ADAMTS18: variants seen among roughly 807,000 people sequenced by gnomAD.
The protein encoded by ADAMTS18 is A disintegrin and metalloproteinase with thrombospondin motifs 18.
Under a neutral mutation model 165.9 loss-of-function variants are expected in ADAMTS18, and 157 were observed. The observed-to-expected ratio is 0.95, with a 90% CI of 0.83 to 1.08. The LOEUF is 1.08. Among genes scored for constraint, ADAMTS18 ranks in the 50% least tolerant of loss-of-function variants. ADAMTS18 has a pLI of 0.00. For synonymous variants in ADAMTS18, 782 were observed against 578.2 expected (o/e 1.35, Z -5.06); for missense variants, 2,040 against 1,534.0 (o/e 1.33, Z -5.51).
intron 10 of ADAMTS18, among the ~76,000 whole-genome samples, chr16:77,344,635 T>C (rs1424338506): frequency 3.3e-5 from 5 of 151,762 alleles, no homozygotes; most frequent in African/African-American, 1.2e-4. Flanking sequence ...GCCACCAAAA[T>C]GGCCCTAGGG....
intron 12 of ADAMTS18, among the ~76,000 whole-genome samples, chr16:77,332,659 C>T (rs928019955): frequency 6.6e-6 from 1 of 152,186 alleles, no homozygotes; most frequent in African/African-American, 2.4e-5. Flanking sequence ...AAATCTACAT[C>T]TCACACATGT....
chr16:77,308,176 T>C (rs1471410079), intron 16 of ADAMTS18, among the ~76,000 whole-genome samples: 1 of 152,090 alleles, frequency 6.6e-6, no homozygotes, highest in African/African-American at 2.4e-5. Flanking sequence ...AAAAAATTCC[T>C]AACATAAACG....
At chr16:77,308,662 T>C (rs2055725628) in intron 16 of ADAMTS18, among the ~76,000 whole-genome samples, 2 of 151,986 alleles carry the variant, frequency 1.3e-5, no homozygotes, top group South Asian at 2.1e-4. Context: ...GCCTTTTCCA[T>C]ATTGCTTAAA....
Position 77,321,156 on chromosome 16 carries a change from G to A in ADAMTS18, c.2210C>T (p.Ala737Val), listed in dbSNP as rs1193075641. ...HELGSKAVSD[A>V]CGVCKGDNST... ...ATTATCACCTTTGCAAACGCCACAA[G>A]CATCTGAAACTGCTTTAGAGCCTAG... Residue 737 changes from alanine to valine, a missense_variant, in exon 15 of 23, where the codon GCT becomes GTT. Transcript: ENST00000282849. The A allele has an allele frequency of 6.2e-7, 1 of 1,614,142 alleles. No homozygotes were observed. The highest frequency in any genetic ancestry group is 8.5e-7 in the Non-Finnish European group (1 of 1,180,024).
chr16:77,389,668 G>T (rs917314673), intron 3 of ADAMTS18, among the ~76,000 whole-genome samples: 1 of 152,140 alleles, frequency 6.6e-6, no homozygotes, highest in African/African-American at 2.4e-5. Context: ...TAAATTCTTC[G>T]AAAGGTCTCT....
intron 11 of ADAMTS18, among the ~76,000 whole-genome samples, chr16:77,340,596 T>G (rs1464329550): frequency 6.6e-6 from 1 of 152,178 alleles, no homozygotes; most frequent in African/African-American, 2.4e-5. Context: ...TTTTTCTTTT[T>G]TAGAGACAGG....
chr16:77,363,182 C>G (rs2056740988), intron 6 of ADAMTS18, among the ~76,000 whole-genome samples: 1 of 152,128 alleles, frequency 6.6e-6, no homozygotes, highest in South Asian at 2.1e-4. Context: ...GCAGTGAGTA[C>G]CATGTAATTT....
chr16:77,418,898 C>A (rs956839656), intron 3 of ADAMTS18, among the ~76,000 whole-genome samples: 2 of 152,240 alleles, frequency 1.3e-5, no homozygotes, highest in East Asian at 3.9e-4. Flanking sequence ...CGCCTGTAAT[C>A]CCGGCACTTT....
At chr16:77,314,785 TAAA>T (rs1205295038) in intron 16 of ADAMTS18, among the ~76,000 whole-genome samples, 32 of 87,012 alleles carry the variant, frequency 3.7e-4, no homozygotes, top group African/African-American at 5.7e-4. Context: ...TATATATATA[TAAA>T]ATATATGTGA....
At chr16:77,330,373 C>A (rs772585881) in intron 12 of ADAMTS18, among the ~76,000 whole-genome samples, 4 of 151,998 alleles carry the variant, frequency 2.6e-5, no homozygotes, top group Non-Finnish European at 5.9e-5. Context: ...AACAAGGAAC[C>A]AGAAAAAATG....
chr16:77,383,907 A>G (rs2057069390), intron 3 of ADAMTS18, among the ~76,000 whole-genome samples: 1 of 152,144 alleles, frequency 6.6e-6, no homozygotes, highest in Non-Finnish European at 1.5e-5. Context: ...TCACCTGTTC[A>G]AAGCATCCTT....
intron 18 of ADAMTS18, among the ~76,000 whole-genome samples, chr16:77,296,087 C>T (rs2055466489): frequency 6.6e-6 from 1 of 152,042 alleles, no homozygotes; most frequent in African/African-American, 2.4e-5. Flanking sequence ...ATTGCATCAC[C>T]ACAAACCAAA....
intron 22 of ADAMTS18, among the ~76,000 whole-genome samples, chr16:77,286,853 C>G (rs1012146558): frequency 1.3e-5 from 2 of 152,168 alleles, no homozygotes; most frequent in African/African-American, 4.8e-5. Context: ...AGGGCCTTCT[C>G]TCTTTTCTGA....
chr16:77,294,905 C>T lies in ADAMTS18; in HGVS notation c.3006+18G>A, dbSNP rs1301440210. The T allele has an allele frequency of 2.5e-6, 4 of 1,613,494 alleles. No individual in the cohort carries two copies. The South Asian group carries it at 3.3e-5, about 13-fold the overall frequency. ...CATGGGGACCGAGAATAGTAACTCC[C>T]AAGTTTTCTCCTGTTACCTGAGACC... On this transcript the variant is annotated intron_variant, in intron 19 of 22. Coordinates refer to ENST00000282849, the MANE Select transcript of ADAMTS18 (RefSeq NM_199355.4).
intron 13 of ADAMTS18, among the ~76,000 whole-genome samples, chr16:77,324,424 T>C (rs1445184566): frequency 1.3e-5 from 2 of 152,248 alleles, no homozygotes; most frequent in African/African-American, 2.4e-5. Context: ...TTAATATTTA[T>C]TTACTTATTC....
At chr16:77,426,320 A>G (rs2144858284) in intron 3 of ADAMTS18, among the ~76,000 whole-genome samples, 1 of 152,208 alleles carries the variant, frequency 6.6e-6, no homozygotes, top group South Asian at 2.1e-4. Flanking sequence ...TCATGTCACC[A>G]CCAAACTGTG....
Position 77,332,826 on chromosome 16 carries a change from C to G in ADAMTS18, c.1859+2930G>C, listed in dbSNP as rs76819553. Among the ~76,000 whole-genome samples the G allele has an allele frequency of 9.2e-3, 1,404 of 152,286 alleles. 16 individuals carry two copies. The highest frequency in any genetic ancestry group is 0.014 in the Non-Finnish European group (980 of 68,032). On this transcript the variant is annotated intron_variant, in intron 12 of 22. Transcript: ENST00000282849. ...CCACAGCTGATTTGACTAGTTGTCA[C>G]AGTGGGACTTTCTGTGTTTGAAGAA...
chr16:77,387,808 G>T (rs1372767851), intron 3 of ADAMTS18, among the ~76,000 whole-genome samples: 1 of 152,224 alleles, frequency 6.6e-6, no homozygotes, highest in African/African-American at 2.4e-5. Flanking sequence ...ACAAGACTGT[G>T]AGTAAAGCAA....
At chr16:77,421,076 G>A (rs1364017821) in intron 3 of ADAMTS18, among the ~76,000 whole-genome samples, 1 of 152,146 alleles carries the variant, frequency 6.6e-6, no homozygotes, top group Non-Finnish European at 1.5e-5. Context: ...TTAGTGATGT[G>A]CACTACATAA....
Sources: gnomAD v4.1 joint callset for allele counts (sites outside exome capture counted in the v4.1 genomes callset) on GRCh38, gnomAD v4.1.1 for gene constraint, MANE v1.5 for transcripts, NCBI Gene and HGNC (gene_info 2026-07-23, HGNC 2026-07-21) for gene names.